TRMT9B: variants seen among roughly 807,000 people sequenced by gnomAD.
TRMT9B encodes the protein tRNA methyltransferase 9B (putative), also known as probable tRNA methyltransferase 9B.
In TRMT9B, 16 loss-of-function variants were observed where a neutral mutation model predicts 11.5. The ratio of observed to expected loss-of-function variants is 1.39; its 90% CI spans 0.94 to 2.11. The LOEUF (loss-of-function observed/expected upper bound fraction) is 2.11. Ranked by LOEUF, TRMT9B falls within the 30% of genes most tolerant of loss-of-function variation. The probability of loss-of-function intolerance (pLI) is 0.00; values close to 1 mark genes in which losing one functional copy is unlikely to be tolerated. For synonymous variants in TRMT9B, 274 were observed against 192.4 expected, an observed-to-expected ratio of 1.42 and a Z score of -3.51; for missense variants, 941 against 553.8, an observed-to-expected ratio of 1.70 and a Z score of -7.02.
intron 3 of TRMT9B, among the ~76,000 whole-genome samples, chr8:13,009,512 G>T (rs567793365): frequency 2.6e-5 from 4 of 152,118 alleles, no homozygotes; most frequent in African/African-American, 9.7e-5. Flanking sequence ...CTGGCGCCAA[G>T]CAACCCACAC....
chr8:13,001,896 G>A (rs1277111274), intron 2 of TRMT9B, among the ~76,000 whole-genome samples: 1 of 152,070 alleles, frequency 6.6e-6, no homozygotes, highest in South Asian at 2.1e-4. Flanking sequence ...CGCTTCATCT[G>A]GAAACCCGTG....
intron 1 of TRMT9B, among the ~76,000 whole-genome samples, chr8:12,981,705 T>A (rs991388608): frequency 4.6e-5 from 7 of 152,036 alleles, no homozygotes; most frequent in African/African-American, 1.7e-4. Flanking sequence ...GCTCAAGTGA[T>A]CATCCAGCCT....
At chr8:12,949,450 A>G (rs148340971) in intron 1 of TRMT9B, among the ~76,000 whole-genome samples, 3 of 152,270 alleles carry the variant, frequency 2.0e-5, no homozygotes, top group African/African-American at 4.8e-5. Flanking sequence ...AAGTCTAGCT[A>G]TGTTTCTCTG....
intron 1 of TRMT9B, among the ~76,000 whole-genome samples, chr8:12,989,556 G>C (rs1806964924): frequency 6.6e-6 from 1 of 152,122 alleles, no homozygotes; most frequent in African/African-American, 2.4e-5. Context: ...TTACTGATGG[G>C]GGCGTTGAAG....
chr8:13,014,060 C>G (rs1812165354), intron 4 of TRMT9B, among the ~76,000 whole-genome samples: 2 of 152,160 alleles, frequency 1.3e-5, no homozygotes, highest in African/African-American at 2.4e-5. Context: ...ATGATTTGCT[C>G]TTTTCCTAAA....
intron 4 of TRMT9B, among the ~76,000 whole-genome samples, chr8:13,019,654 G>A (rs1212399443): frequency 6.6e-6 from 1 of 152,164 alleles, no homozygotes; most frequent in East Asian, 1.9e-4. Flanking sequence ...AGTGGATTGA[G>A]TCTTTCTCAG....
rs1814870567 is a variant in TRMT9B, at chr8:13,027,807, C to CG, written c.*5763_*5764insG. On this transcript the variant is annotated 3_prime_UTR_variant, in exon 5 of 5. Coordinates refer to ENST00000524591, the MANE Select transcript of TRMT9B (RefSeq NM_020844.3). ...GAAAACCACGGAAGTGGGAGGGAATCAAGAAGCATTAACAGACCCTCCACC... is the reference window on the plus strand; with the variant it reads ...GAAAACCACGGAAGTGGGAGGGAATCGAAGAAGCATTAACAGACCCTCCACC... The CG allele has an allele frequency of 7.3e-6, 1 of 136,806 alleles. No individual in the cohort carries two copies. Among genetic ancestry groups the CG allele is most frequent in the Admixed American group, 9.2e-5 (1 of 10,826 alleles). 8.5% of individuals were successfully genotyped at this position (136,806 alleles called of 1,614,324 possible). A position where few individuals can be genotyped will look rare whatever the true frequency, so the allele number is the denominator to read the frequency against.
intron 1 of TRMT9B, among the ~76,000 whole-genome samples, chr8:12,985,698 A>G (rs935533124): frequency 2.6e-5 from 4 of 152,100 alleles, no homozygotes; most frequent in Non-Finnish European, 4.4e-5. Flanking sequence ...GTAGAGCTCT[A>G]TCATACATGG....
chr8:12,963,851 G>A (rs980038906), intron 1 of TRMT9B, among the ~76,000 whole-genome samples: 2 of 152,188 alleles, frequency 1.3e-5, no homozygotes, highest in African/African-American at 4.8e-5. Flanking sequence ...ATTTAAACTA[G>A]GCTGCAGCGT....
At chr8:13,001,493 C>G (rs926404735) in intron 2 of TRMT9B, among the ~76,000 whole-genome samples, 2 of 152,202 alleles carry the variant, frequency 1.3e-5, no homozygotes, top group Non-Finnish European at 2.9e-5. Context: ...TTGTAGATAA[C>G]ATACTTCACT....
intron 1 of TRMT9B, among the ~76,000 whole-genome samples, chr8:12,974,125 C>T (rs554478423): frequency 1.3e-5 from 2 of 152,016 alleles, no homozygotes; most frequent in Non-Finnish European, 2.9e-5. Context: ...GAGCCAAGAT[C>T]GCACCGATGC....
At chr8:12,969,456 C>T (rs1017356954) in intron 1 of TRMT9B, among the ~76,000 whole-genome samples, 1 of 152,124 alleles carries the variant, frequency 6.6e-6, no homozygotes, top group African/African-American at 2.4e-5. Context: ...TACTAAAATT[C>T]ATGGATGCAC....
chr8:12,981,271 GTCC>G (rs895158638), intron 1 of TRMT9B, among the ~76,000 whole-genome samples: 44 of 152,342 alleles, frequency 2.9e-4, no homozygotes, highest in African/African-American at 1.0e-3. Context: ...CTGGTGCAAA[GTCC>G]TCCTCTCGTT....
chr8:13,021,933 G>T lies in TRMT9B; in HGVS notation c.1254G>T (p.Gly418=), dbSNP rs1320589139. 6.2e-7 allele frequency: 1 copy of T among 1,613,606 alleles called. No homozygotes were observed. The highest frequency in any genetic ancestry group is 8.5e-7 in the Non-Finnish European group (1 of 1,179,872). The change falls in exon 5 of 5, where the codon GGG becomes GGT. Residue 418 remains glycine (G), a synonymous_variant. Transcript: ENST00000524591. ...FMRYYHVFRE[G]ELCSLLKENV... ...GCTACTACCATGTGTTTCGAGAAGG[G>T]GAGCTCTGCAGTCTGCTCAAGGAGA... is the stretch of plus-strand genomic sequence containing the variant.
In TRMT9B at chr8:13,028,074, T is replaced by C. The variant is rs930663194; in HGVS notation, c.*6030T>C. Reference sequence around the variant, plus strand: ...AGAGAGTTGATCAAAGAGAAGATTCTAGCTGAATTGTTCTATTTTTAATTC... The same window carrying C: ...AGAGAGTTGATCAAAGAGAAGATTCCAGCTGAATTGTTCTATTTTTAATTC... On this transcript the variant is annotated 3_prime_UTR_variant, in exon 5 of 5. Transcript: ENST00000524591. 2 of 167,066 alleles carry C rather than the reference T, an allele frequency of 1.2e-5. No individual in the cohort carries two copies. Among genetic ancestry groups the C allele is most frequent in the Non-Finnish European group, 2.9e-5 (2 of 68,118 alleles). The allele number at this position is 167,066 out of a possible 1,614,324, so 10.3% of individuals were successfully genotyped here. A position where few individuals can be genotyped will look rare whatever the true frequency, so the allele number is the denominator to read the frequency against.
At chr8:12,989,474 C>T (rs1048725248) in intron 1 of TRMT9B, among the ~76,000 whole-genome samples, 1 of 152,158 alleles carries the variant, frequency 6.6e-6, no homozygotes, top group African/African-American at 2.4e-5. Context: ...TATAGACAAG[C>T]CTCCTGCCCA....
At position 13,020,961 on chromosome 8, in the gene TRMT9B, G is replaced by A. The variant is rs1813714544; in HGVS notation, c.329-47G>A. On this transcript the variant is annotated intron_variant, in intron 4 of 4. Transcript: ENST00000524591. ...TAAACACCAGTGTATACGTGTGTGGGTTTATGTGTGTGCATACACACTGAG... is the reference window on the plus strand; with the variant it reads ...TAAACACCAGTGTATACGTGTGTGGATTTATGTGTGTGCATACACACTGAG... The A allele has an allele frequency of 4.6e-6, 6 of 1,307,328 alleles. No individual in the cohort carries two copies. In the African/African-American group the frequency reaches 5.9e-5, roughly 13 times the overall value. 81.0% of individuals were successfully genotyped at this position (1,307,328 alleles called of 1,614,324 possible).
chr8:12,984,124 T>C (rs1054935081), intron 1 of TRMT9B, among the ~76,000 whole-genome samples: 8 of 152,324 alleles, frequency 5.3e-5, no homozygotes, highest in African/African-American at 1.9e-4. Flanking sequence ...CTTTGCTTCA[T>C]GCCCAAAATT....
At chr8:12,949,106 A>G (rs1800413783) in intron 1 of TRMT9B, among the ~76,000 whole-genome samples, 1 of 152,202 alleles carries the variant, frequency 6.6e-6, no homozygotes, top group South Asian at 2.1e-4. Flanking sequence ...ATTAATAACA[A>G]TCTTATGTGT....
Sources: allele counts gnomAD v4.1 joint callset (sites outside exome capture counted in the v4.1 genomes callset), GRCh38; gene constraint gnomAD v4.1.1; transcripts MANE v1.5; gene names NCBI Gene and HGNC (gene_info 2026-07-23, HGNC 2026-07-21).